The following HNF1B variants were observed in gnomAD, a reference collection of about 807,000 sequenced individuals.
The protein encoded by HNF1B is hepatocyte nuclear factor 1-beta.
Under a neutral mutation model 61.7 loss-of-function variants are expected in HNF1B, and 8 were observed. The ratio of observed to expected loss-of-function variants is 0.13; its 90% CI spans 0.08 to 0.23. HNF1B has a LOEUF of 0.23. HNF1B is among the 10% of genes least tolerant of loss of function. The probability of loss-of-function intolerance (pLI) is 1.00; values close to 1 mark genes in which losing one functional copy is unlikely to be tolerated. For missense variants in HNF1B, 562 were observed against 714.5 expected (o/e 0.79, Z 2.43); for synonymous variants, 314 against 287.7 (o/e 1.09, Z -0.93).
In HNF1B at chr17:37,734,945, T is replaced by C. The variant is rs540345854; in HGVS notation, c.545-1124A>G. 4.6e-5 allele frequency among the ~76,000 whole-genome samples: 7 copies of C among 152,088 alleles called. No individual in the cohort carries two copies. In the South Asian group the frequency reaches 1.5e-3, roughly 32 times the overall value. On this transcript the variant is annotated intron_variant, in intron 2 of 8. Coordinates refer to ENST00000617811, the MANE Select transcript of HNF1B (RefSeq NM_000458.4). The stretch of plus-strand genomic sequence containing the variant: ...CTGGGATTATAGGTGTGCGGCACCA[T>C]GCCCAGCTAATTTTTTGTATTTTTA...
intron 8 of HNF1B, among the ~76,000 whole-genome samples, chr17:37,693,760 G>A (rs3094510): frequency 0.058 from 8,878 of 152,326 alleles, 344 homozygotes; most frequent in Middle Eastern, 0.12. Context: ...TGGAGGTAAG[G>A]CCTGGTGGGA....
intron 2 of HNF1B, among the ~76,000 whole-genome samples, chr17:37,735,074 G>C (rs531153423): frequency 2.6e-5 from 4 of 152,246 alleles, no homozygotes; most frequent in African/African-American, 9.6e-5. Flanking sequence ...ACAGGTGTGA[G>C]CCACCGTGCC....
In HNF1B at chr17:37,710,675, C is replaced by T. The variant is rs201751705; in HGVS notation, c.1046-12G>A. 2.5e-5 allele frequency: 40 copies of T among 1,612,102 alleles called. No homozygotes were observed. In the African/African-American group the frequency reaches 4.1e-4, roughly 17 times the overall value. On this transcript the variant is annotated splice_polypyrimidine_tract_variant and intron_variant, in intron 4 of 8. Transcript: ENST00000617811. Reference sequence around the variant, plus strand: ...GCTGTAGCGCACTCCTGCAAAACAACACAAACCCAGTAGGGAACATTAGTG... The same window carrying T: ...GCTGTAGCGCACTCCTGCAAAACAATACAAACCCAGTAGGGAACATTAGTG...
chr17:37,742,635 G>A (rs575830695), intron 1 of HNF1B, among the ~76,000 whole-genome samples: 77 of 152,210 alleles, frequency 5.1e-4, no homozygotes, highest in African/African-American at 1.7e-3. Context: ...TCTCCAACTC[G>A]GCGAGGGTCT....
intron 4 of HNF1B, chr17:37,720,908 G>C: frequency 1.0e-6 from 1 of 985,402 alleles, no homozygotes; most frequent in Non-Finnish European, 1.2e-6. Context: ...CAATGAAGAA[G>C]AACGGCCGCT....
intron 2 of HNF1B, among the ~76,000 whole-genome samples, chr17:37,734,809 A>G (rs2033787314): frequency 7.0e-6 from 1 of 143,100 alleles, no homozygotes; most frequent in Admixed American, 7.1e-5. Context: ...TTTTTTTGAG[A>G]CAGAGTTTGC....
intron 8 of HNF1B, among the ~76,000 whole-genome samples, chr17:37,694,647 A>G (rs112233415): frequency 0.021 from 3,271 of 152,194 alleles, 49 homozygotes; most frequent in Non-Finnish European, 0.035. Flanking sequence ...ATGAGATCTC[A>G]GATGGAAATG....
intron 4 of HNF1B, chr17:37,730,402 C>T (rs2033646930): frequency 6.6e-6 from 1 of 152,404 alleles, no homozygotes; most frequent in South Asian, 2.1e-4. Flanking sequence ...GGCTGAGCCT[C>T]TCTCCTCTGT....
chr17:37,742,490 C>A (rs918009005), intron 1 of HNF1B, among the ~76,000 whole-genome samples: 1 of 152,184 alleles, frequency 6.6e-6, no homozygotes, highest in Non-Finnish European at 1.5e-5. Context: ...TTGGGAGCCC[C>A]CTGTGCAGTG....
At chr17:37,712,835 T>C (rs574181773) in intron 4 of HNF1B, among the ~76,000 whole-genome samples, 5 of 152,296 alleles carry the variant, frequency 3.3e-5, no homozygotes, top group African/African-American at 1.2e-4. Flanking sequence ...GCCATATAAA[T>C]GGCAACTATG....
chr17:37,719,484 G>A (rs543862864), intron 4 of HNF1B, among the ~76,000 whole-genome samples: 1 of 152,344 alleles, frequency 6.6e-6, no homozygotes, highest in East Asian at 1.9e-4. Context: ...AAAGAAACTA[G>A]AGTAAAACTA....
In HNF1B at chr17:37,731,928, G is replaced by A; in HGVS notation, c.810-98C>T. On this transcript the variant is annotated intron_variant, in intron 3 of 8. Coordinates refer to ENST00000617811, the MANE Select transcript of HNF1B (RefSeq NM_000458.4). ...ACAATCACAGCAGTCTTGGTTGGGA[G>A]TATGAAGGGGCCGTGGGCAGAATGG... The A allele has an allele frequency of 8.7e-6, 7 of 805,550 alleles. No homozygotes were observed. In the South Asian group the frequency reaches 1.1e-4, roughly 12 times the overall value. The allele number at this position is 805,550 out of a possible 1,614,324, so 49.9% of individuals were successfully genotyped here. A position where few individuals can be genotyped will look rare whatever the true frequency, so the allele number is the denominator to read the frequency against.
intron 8 of HNF1B, among the ~76,000 whole-genome samples, chr17:37,693,220 C>G (rs1291482005): frequency 2.0e-5 from 3 of 146,770 alleles, no homozygotes; most frequent in South Asian, 2.2e-4. Flanking sequence ...AAAAGAGTCA[C>G]TGGAAGGGGA....
rs8068014 is a variant in HNF1B, at chr17:37,687,325, A to T, written c.*47T>A. ...AGCTGCCCAGAGGGTGATGGTGTGGAAAACAGGGTCCTTGTTGTTGCGCAC... is the reference window on the plus strand; with the variant it reads ...AGCTGCCCAGAGGGTGATGGTGTGGTAAACAGGGTCCTTGTTGTTGCGCAC... On this transcript the variant is annotated 3_prime_UTR_variant, in exon 9 of 9. Transcript: ENST00000617811. 1.4e-5 allele frequency: 23 copies of T among 1,614,026 alleles called. No homozygotes were observed. The East Asian group carries it at 5.1e-4, about 36-fold the overall frequency.
At chr17:37,741,595 C>A (rs8064454) in intron 1 of HNF1B, among the ~76,000 whole-genome samples, 73,599 of 152,054 alleles carry the variant, frequency 0.48, 18,514 homozygotes, top group Middle Eastern at 0.59. Context: ...ATATTTCCAC[C>A]GATATTTTTA....
At chr17:37,720,105 G>A (rs1198710775) in intron 4 of HNF1B, among the ~76,000 whole-genome samples, 1 of 152,184 alleles carries the variant, frequency 6.6e-6, no homozygotes, top group Non-Finnish European at 1.5e-5. Flanking sequence ...TGCTCAGGGA[G>A]CACCACCAGA....
At chr17:37,732,198 T>C (rs1156436310) in intron 3 of HNF1B, among the ~76,000 whole-genome samples, 1 of 152,188 alleles carries the variant, frequency 6.6e-6, no homozygotes, top group African/African-American at 2.4e-5. Context: ...GCAAAGCCCT[T>C]CGCTGGCTCT....
At chr17:37,707,302 G>A (rs191942291) in intron 5 of HNF1B, among the ~76,000 whole-genome samples, 63 of 151,952 alleles carry the variant, frequency 4.1e-4, no homozygotes, top group South Asian at 1.9e-3. Flanking sequence ...TTTTTGTAGG[G>A]ACAGGGCCTT....
At chr17:37,701,633 C>T (rs944501701) in intron 6 of HNF1B, among the ~76,000 whole-genome samples, 1 of 152,114 alleles carries the variant, frequency 6.6e-6, no homozygotes, top group African/African-American at 2.4e-5. Context: ...TGCAGGGACC[C>T]AAATTTTGAC....
Sources: gnomAD v4.1 joint callset for allele counts (sites outside exome capture counted in the v4.1 genomes callset) on GRCh38, gnomAD v4.1.1 for gene constraint, MANE v1.5 for transcripts, NCBI Gene and HGNC (gene_info 2026-07-23, HGNC 2026-07-21) for gene names.